Variants in UTP14C observed in about 807,000 individuals in gnomAD.
The protein encoded by UTP14C is U3 small nucleolar RNA-associated protein 14 homolog C.
Under a neutral mutation model 14.6 loss-of-function variants are expected in UTP14C, and 10 were observed. The ratio of observed to expected loss-of-function variants is 0.68; its 90% CI spans 0.42 to 1.16. The LOEUF (loss-of-function observed/expected upper bound fraction) is 1.16, where lower values mean the gene tolerates loss of function less well. Ranked by LOEUF, UTP14C falls within the 50% of genes most tolerant of loss-of-function variation. The probability of loss-of-function intolerance (pLI) is 0.00; values close to 1 mark genes in which losing one functional copy is unlikely to be tolerated. For missense variants in UTP14C, 818 were observed against 890.8 expected, an observed-to-expected ratio of 0.92 and a Z score of 1.04; for synonymous variants, 315 against 331.6, an observed-to-expected ratio of 0.95 and a Z score of 0.54.
Position 52,029,184 on chromosome 13 carries a change from T to C in UTP14C, c.380T>C (p.Ile127Thr), listed in dbSNP as rs780959857. ...LPLNKEKIEQIHREVAFSKTS... is the reference protein window; with the variant it reads ...LPLNKEKIEQTHREVAFSKTS... ...CTTAACAAAGAAAAAATTGAACAGA[T>C]CCACAGAGAAGTAGCATTCAGTAAA... The change falls in exon 2 of 2, where the codon ATC becomes ACC. Residue 127 changes from isoleucine (I) to threonine (T), a missense_variant. By Grantham distance (89) the Ile-to-Thr change is moderately conservative. Transcript: ENST00000521776. The C allele has an allele frequency of 1.9e-5, 31 of 1,613,888 alleles. No homozygotes were observed. The highest frequency in any genetic ancestry group is 2.5e-5 in the Non-Finnish European group (29 of 1,180,024).
intron 1 of UTP14C, 53 bp downstream of exon 1, chr13:52,024,990 G>A: frequency 6.5e-7 from 1 of 1,539,086 alleles, no homozygotes; most frequent in Non-Finnish European, 8.9e-7. Flanking sequence ...CACATTTTAA[G>A]TTCTTTTGAT....
rs1954296619 is a variant in UTP14C, at chr13:52,030,865, A to G, written c.2061A>G (p.Pro687=). The change falls in exon 2 of 2, where the codon CCA becomes CCG. Residue 687 remains proline, a synonymous_variant. Coordinates refer to ENST00000521776, the MANE Select transcript of UTP14C (RefSeq NM_021645.6). The part of the protein sequence containing the change: ...AAHQVQVLPY[P]FTHHRQFERT... The stretch of plus-strand genomic sequence containing the variant: ...ATCAGGTACAAGTGCTTCCATATCC[A>G]TTTACCCACCATCGGCAATTTGAAA... 1.2e-6 allele frequency: 2 copies of G among 1,614,112 alleles called. No homozygotes were observed. The highest frequency in any genetic ancestry group is 8.5e-7 in the Non-Finnish European group (1 of 1,180,020).
chr13:52,025,242 C>G (rs1185340779), intron 1 of UTP14C, among the ~76,000 whole-genome samples: 2 of 152,184 alleles, frequency 1.3e-5, no homozygotes, highest in Non-Finnish European at 1.5e-5. Context: ...TAAAGAAACT[C>G]AGGCACAGGA....
Position 52,029,987 on chromosome 13 carries a change from C to T in UTP14C, c.1183C>T (p.Pro395Ser). The part of the protein sequence containing the change: ...AATQEDPEQV[P>S]ELAAHEVSAS... ...AACACAGGAGGACCCTGAGCAAGTG[C>T]CAGAGCTTGCAGCTCATGAGGTTTC... Residue 395 changes from proline to serine, a missense_variant, in exon 2 of 2, where the codon CCA becomes TCA. Pro to Ser is a moderately conservative substitution (Grantham distance 74). Coordinates refer to ENST00000521776, the MANE Select transcript of UTP14C (RefSeq NM_021645.6). The T allele has an allele frequency of 3.7e-6, 6 of 1,614,206 alleles. No individual in the cohort carries two copies. Among genetic ancestry groups the T allele is most frequent in the South Asian group, 3.3e-5 (3 of 91,086 alleles).
chr13:52,031,018 C>T lies in UTP14C; in HGVS notation c.2214C>T (p.Tyr738=). The part of the protein sequence containing the change: ...IKPIKAEDVG[Y]QSSSRSDLPV... ...CCATAAAAGCAGAGGATGTGGGCTA[C>T]CAGTCTTCCTCAAGGTCAGACCTGC... The change falls in exon 2 of 2, where the codon TAC becomes TAT. Residue 738 remains tyrosine, a synonymous_variant. Coordinates refer to ENST00000521776, the MANE Select transcript of UTP14C (RefSeq NM_021645.6). 1.2e-6 allele frequency: 2 copies of T among 1,614,170 alleles called. No homozygotes were observed.
chr13:52,032,882 A>AGAT lies in UTP14C; in HGVS notation c.*1778_*1780dup, dbSNP rs1289058182. ...ACAAAGCTGTTTCATGAAAGAATCAAGATTATAACCTGGATATTCTGACTC... is the reference window on the plus strand; with the variant it reads ...ACAAAGCTGTTTCATGAAAGAATCAAGATGATTATAACCTGGATATTCTGACTC... On this transcript the variant is annotated 3_prime_UTR_variant, in exon 2 of 2. Coordinates refer to ENST00000521776, the MANE Select transcript of UTP14C (RefSeq NM_021645.6). 3 of 167,094 alleles carry AGAT rather than the reference A, an allele frequency of 1.8e-5. No homozygotes were observed. Among genetic ancestry groups the AGAT allele is most frequent in the African/African-American group, 7.2e-5 (3 of 41,448 alleles). The allele number at this position is 167,094 out of a possible 1,614,324, so 10.4% of individuals were successfully genotyped here.
In UTP14C at chr13:52,031,654, T is replaced by C. The variant is rs533607401; in HGVS notation, c.*549T>C. On this transcript the variant is annotated 3_prime_UTR_variant, in exon 2 of 2. Transcript: ENST00000521776. ...TGTTTTTCTGACAGTGATGATATGA[T>C]ATACAGATACATCCACAGGGTATCT... 1.0e-4 allele frequency: 17 copies of C among 170,440 alleles called. No homozygotes were observed. The highest frequency in any genetic ancestry group is 1.7e-4 in the Non-Finnish European group (12 of 70,080). 10.6% of individuals were successfully genotyped at this position (170,440 alleles called of 1,614,324 possible).
rs765037358 is a variant in UTP14C, at chr13:52,029,137, A to G, written c.333A>G (p.Ser111=). The G allele has an allele frequency of 1.2e-6, 2 of 1,614,206 alleles. No homozygotes were observed. Among genetic ancestry groups the G allele is most frequent in the Admixed American group, 3.3e-5 (2 of 60,020 alleles). The part of the protein sequence containing the change: ...TVKKQLNRVK[S]KKVVELPLNK... ...AAAAGCAACTGAATAGAGTCAAATC[A>G]AAGAAGGTGGTGGAGTTACCTCTTA... Residue 111 remains serine (S), a synonymous_variant, in exon 2 of 2, where the codon TCA becomes TCG. Transcript: ENST00000521776.
In UTP14C at chr13:52,026,200, G is replaced by C. The variant is rs116389781; in HGVS notation, c.-487+1263G>C. 6.7e-3 allele frequency among the ~76,000 whole-genome samples: 1,020 copies of C among 152,330 alleles called. 9 individuals carry two copies. Among genetic ancestry groups the C allele is most frequent in the African/African-American group, 0.023 (945 of 41,560 alleles). On this transcript the variant is annotated intron_variant, in intron 1 of 1. Transcript: ENST00000521776. Reference sequence around the variant, plus strand: ...GCAGGGAACAGTTGCCCAAGGAAATGATGTGACACTTGAGCAGGACCCGAA... The same window carrying C: ...GCAGGGAACAGTTGCCCAAGGAAATCATGTGACACTTGAGCAGGACCCGAA...
chr13:52,028,606 A>G lies in UTP14C; in HGVS notation c.-199A>G. 5.0e-6 allele frequency: 8 copies of G among 1,606,260 alleles called. No individual in the cohort carries two copies. Among genetic ancestry groups the G allele is most frequent in the Non-Finnish European group, 6.8e-6 (8 of 1,173,322 alleles). ...ATTTAAGTAATGCCATATCTGTAAAATTAAAGATATTTTATATAAACTGGT... is the reference window on the plus strand; with the variant it reads ...ATTTAAGTAATGCCATATCTGTAAAGTTAAAGATATTTTATATAAACTGGT... On this transcript the variant is annotated 5_prime_UTR_variant, in exon 2 of 2. Coordinates refer to ENST00000521776, the MANE Select transcript of UTP14C (RefSeq NM_021645.6).
At position 52,032,782 on chromosome 13, in the gene UTP14C, C is replaced by CAGT. The variant is rs1056341712; in HGVS notation, c.*1678_*1680dup. On this transcript the variant is annotated 3_prime_UTR_variant, in exon 2 of 2. Coordinates refer to ENST00000521776, the MANE Select transcript of UTP14C (RefSeq NM_021645.6). ...GTGAAAGGAACCCTACAGATTAGCCCAGTTCTCTCTTATTTTCAGCTTTAC... is the reference window on the plus strand; with the variant it reads ...GTGAAAGGAACCCTACAGATTAGCCCAGTAGTTCTCTCTTATTTTCAGCTTTAC... The CAGT allele has an allele frequency of 1.2e-5, 2 of 167,016 alleles. No individual in the cohort carries two copies. The highest frequency in any genetic ancestry group is 4.8e-5 in the African/African-American group (2 of 41,426). The allele number at this position is 167,016 out of a possible 1,614,324, so 10.3% of individuals were successfully genotyped here.
intron 1 of UTP14C, among the ~76,000 whole-genome samples, chr13:52,026,000 G>A (rs1265944232): frequency 6.6e-6 from 1 of 152,222 alleles, no homozygotes; most frequent in Non-Finnish European, 1.5e-5. Flanking sequence ...GGATGCTAGG[G>A]ATGTGGTGGA....
Position 52,028,405 on chromosome 13 carries a change from G to T in UTP14C, c.-400G>T. 1 of 1,614,156 alleles carries T rather than the reference G, an allele frequency of 6.2e-7. No individual in the cohort carries two copies. The highest frequency in any genetic ancestry group is 8.5e-7 in the Non-Finnish European group (1 of 1,180,028). On this transcript the variant is annotated 5_prime_UTR_variant, in exon 2 of 2. It adds an upstream start codon to the 5' untranslated region. Transcript: ENST00000521776. ...GCTTGACATTGTGGTTCCTCACGAA[G>T]GAGATATAACTGGCTTTCTGGCTGA...
Position 52,031,149 on chromosome 13 carries a change from T to C in UTP14C, c.*44T>C. 6.4e-7 allele frequency: 1 copy of C among 1,565,200 alleles called. No individual in the cohort carries two copies. ...TGACAGTCAGGGGCCCTGATTCCAC[T>C]TCCTTTGGTCCAGTTTTACTCTGCT... is the stretch of plus-strand genomic sequence containing the variant. On this transcript the variant is annotated 3_prime_UTR_variant, in exon 2 of 2. Coordinates refer to ENST00000521776, the MANE Select transcript of UTP14C (RefSeq NM_021645.6).
rs936677681 is a variant in UTP14C at position 52,028,686 on chromosome 13, T to A, written c.-119T>A. On this transcript the variant is annotated 5_prime_UTR_variant, in exon 2 of 2. Coordinates refer to ENST00000521776, the MANE Select transcript of UTP14C (RefSeq NM_021645.6). The stretch of plus-strand genomic sequence containing the variant: ...AAATTCAATCTCATTTGTCAAATCA[T>A]TTTACTTTAGAAAACAGACAAAATT... 6.4e-7 allele frequency: 1 copy of A among 1,561,604 alleles called. No homozygotes were observed.
chr13:52,033,248 T>A lies in UTP14C; in HGVS notation c.*2143T>A, dbSNP rs1954322962. The stretch of plus-strand genomic sequence containing the variant: ...AGGATGACTATTAATTCCTCTCAGA[T>A]GTCATTTTTGAGTGGTCCAAGCCTG... On this transcript the variant is annotated 3_prime_UTR_variant, in exon 2 of 2. Coordinates refer to ENST00000521776, the MANE Select transcript of UTP14C (RefSeq NM_021645.6). The A allele has an allele frequency of 6.0e-6, 1 of 167,042 alleles. No individual in the cohort carries two copies. Among genetic ancestry groups the A allele is most frequent in the Admixed American group, 6.5e-5 (1 of 15,284 alleles). The allele number at this position is 167,042 out of a possible 1,614,324, so 10.3% of individuals were successfully genotyped here.
chr13:52,025,032 G>A (rs1360178147), intron 1 of UTP14C, 95 bp downstream of exon 1: 79 of 1,365,828 alleles, frequency 5.8e-5, no homozygotes, highest in Non-Finnish European at 7.9e-5. Flanking sequence ...TCTGCATCAT[G>A]CCCTAATTCT....
chr13:52,028,374 C>T lies in UTP14C; in HGVS notation c.-431C>T, dbSNP rs1340128287. Reference sequence around the variant, plus strand: ...TTATCCTTGCACACAATTCGGGGGGCCCAAAGCTTGACATTGTGGTTCCTC... The same window carrying T: ...TTATCCTTGCACACAATTCGGGGGGTCCAAAGCTTGACATTGTGGTTCCTC... On this transcript the variant is annotated 5_prime_UTR_variant, in exon 2 of 2. Coordinates refer to ENST00000521776, the MANE Select transcript of UTP14C (RefSeq NM_021645.6). The T allele has an allele frequency of 1.2e-6, 2 of 1,613,918 alleles. No individual in the cohort carries two copies. Among genetic ancestry groups the T allele is most frequent in the Non-Finnish European group, 1.7e-6 (2 of 1,180,016 alleles).
Position 52,030,325 on chromosome 13 carries a change from A to G in UTP14C, c.1521A>G (p.Gln507=), listed in dbSNP as rs1481532201. The change falls in exon 2 of 2, where the codon CAA becomes CAG. Residue 507 remains glutamine, a synonymous_variant. Coordinates refer to ENST00000521776, the MANE Select transcript of UTP14C (RefSeq NM_021645.6). ...TGCTACAGAGGTCAGAGAGAGTACA[A>G]ACTCTGGAAGAGCTAGAAGAGCTGG... ...PLLLQRSERV[Q]TLEELEELGK... The G allele has an allele frequency of 8.1e-6, 13 of 1,614,218 alleles. No individual in the cohort carries two copies. Among genetic ancestry groups the G allele is most frequent in the Middle Eastern group, 1.6e-4 (1 of 6,062 alleles).
Sources: gnomAD v4.1 joint callset for allele counts (sites outside exome capture counted in the v4.1 genomes callset) on GRCh38, gnomAD v4.1.1 for gene constraint, MANE v1.5 for transcripts, NCBI Gene and HGNC (gene_info 2026-07-23, HGNC 2026-07-21) for gene names.